Variants in DGKH observed in about 807,000 individuals in gnomAD.
DGKH encodes diacylglycerol kinase eta, also known as DAG kinase eta.
Under a neutral mutation model 159.3 loss-of-function variants are expected in DGKH, and 90 were observed. The ratio of observed to expected loss-of-function variants is 0.57; its 90% CI spans 0.48 to 0.67. DGKH has a LOEUF of 0.67. Among genes scored for constraint, DGKH ranks in the 30% least tolerant of loss-of-function variants. The pLI is 0.00. For missense variants in DGKH, 1,181 were observed against 1,506.1 expected (o/e 0.78, Z 3.57); for synonymous variants, 536 against 553.8 (o/e 0.97, Z 0.45).
At chr13:42,149,218 C>T (rs1433185545) in intron 3 of DGKH, among the ~76,000 whole-genome samples, 1 of 152,108 alleles carries the variant, frequency 6.6e-6, no homozygotes, top group African/African-American at 2.4e-5. Context: ...CATGAGGCAT[C>T]GCTCCTGACC....
At chr13:42,176,992 A>G (rs1194674368) in intron 12 of DGKH, among the ~76,000 whole-genome samples, 1 of 152,230 alleles carries the variant, frequency 6.6e-6, no homozygotes, top group Non-Finnish European at 1.5e-5. Flanking sequence ...ACTATTGTTT[A>G]ACAGAAATAT....
rs766703172 is a variant in DGKH at position 42,142,488 on chromosome 13, G to GT, written c.385-12802dup. ...TTGAATCTATAAATTACCTTGGGCAGTATGGCCATTTTCATGATATTGATT... is the reference window on the plus strand; with the variant it reads ...TTGAATCTATAAATTACCTTGGGCAGTTATGGCCATTTTCATGATATTGATT... On this transcript the variant is annotated intron_variant, in intron 3 of 29. Coordinates refer to ENST00000337343, the MANE Select transcript of DGKH (RefSeq NM_178009.5). Among the ~76,000 whole-genome samples, 161 of 151,526 alleles carry GT rather than the reference G, an allele frequency of 1.1e-3. No individual in the cohort carries two copies. In the Middle Eastern group the frequency reaches 0.024, roughly 22 times the overall value.
chr13:42,084,947 AATAG>A (rs1347980616), intron 1 of DGKH, among the ~76,000 whole-genome samples: 2 of 152,118 alleles, frequency 1.3e-5, no homozygotes, highest in African/African-American at 4.8e-5. Flanking sequence ...TAATCCTATA[AATAG>A]ATATGTATGC....
At chr13:42,073,819 T>C (rs1167669430) in intron 1 of DGKH, among the ~76,000 whole-genome samples, 1 of 152,204 alleles carries the variant, frequency 6.6e-6, no homozygotes, top group East Asian at 1.9e-4. Flanking sequence ...CTTGAGCAGA[T>C]ATGGAAGGCT....
At position 42,242,369 on chromosome 13, in the gene DGKH, C is replaced by T. The variant is rs1044960346; in HGVS notation, c.*13181C>T. ...TCTGAAAGATGCAGATAATATCTAT[C>T]TATTTATTACACAGTGGGCTCTGTT... On this transcript the variant is annotated 3_prime_UTR_variant, in exon 30 of 30. Coordinates refer to ENST00000337343, the MANE Select transcript of DGKH (RefSeq NM_178009.5). 6.6e-6 allele frequency: 1 copy of T among 152,186 alleles called. No homozygotes were observed. 9.4% of individuals were successfully genotyped at this position (152,186 alleles called of 1,614,324 possible).
rs572467021 is a variant in DGKH at position 42,104,331 on chromosome 13, G to C, written c.193-23132G>C. Among the ~76,000 whole-genome samples, 2 of 152,290 alleles carry C rather than the reference G, an allele frequency of 1.3e-5. 1 individual carries two copies. The highest frequency in any genetic ancestry group is 4.8e-5 in the African/African-American group (2 of 41,570). ...ACTGGGTCACCACTTCCAGGTTCCA[G>C]CTAGAAAGTGGAAAAGGAGAACATG... On this transcript the variant is annotated intron_variant, in intron 1 of 29. Transcript: ENST00000337343.
At chr13:42,211,295 T>G in intron 24 of DGKH, among the ~76,000 whole-genome samples, 2 of 152,096 alleles carry the variant, frequency 1.3e-5, no homozygotes, top group South Asian at 2.1e-4. Flanking sequence ...TTCAATAGGG[T>G]GTGTGAAGAT....
At chr13:42,209,250 T>C in intron 22 of DGKH, 81 bp from the exon 23 acceptor site, 1 of 1,492,220 alleles carries the variant, frequency 6.7e-7, no homozygotes, top group Non-Finnish European at 9.1e-7. Flanking sequence ...TGTAGAATAG[T>C]CTAATACTCA....
chr13:42,160,761 G>A (rs748942433), intron 7 of DGKH, among the ~76,000 whole-genome samples: 6 of 152,166 alleles, frequency 3.9e-5, no homozygotes, highest in East Asian at 3.8e-4. Context: ...CTTGCACTGG[G>A]GCTGACTTAT....
intron 1 of DGKH, among the ~76,000 whole-genome samples, chr13:42,075,372 T>C (rs140606180): frequency 2.0e-4 from 30 of 152,336 alleles, no homozygotes; most frequent in African/African-American, 7.0e-4. Context: ...AAAATATTTA[T>C]TTCATCATGA....
At chr13:42,177,124 A>G (rs1182799092) in intron 12 of DGKH, among the ~76,000 whole-genome samples, 1 of 152,204 alleles carries the variant, frequency 6.6e-6, no homozygotes, top group African/African-American at 2.4e-5. Flanking sequence ...CAAACTAAAC[A>G]AATCTATGCC....
At chr13:42,140,919 T>C (rs1320864274) in intron 3 of DGKH, 1 of 151,200 alleles carries the variant, frequency 6.6e-6, no homozygotes, top group Non-Finnish European at 1.5e-5. Flanking sequence ...TTTTATTTAT[T>C]TTTTATTTTT....
chr13:42,054,170 G>T (rs1239523666), intron 1 of DGKH, among the ~76,000 whole-genome samples: 6 of 152,186 alleles, frequency 3.9e-5, no homozygotes, highest in Admixed American at 2.0e-4. Context: ...TGAAATTGTA[G>T]GTGGCAGCCC....
intron 1 of DGKH, chr13:42,066,183 AC>A (rs1566083357): frequency 6.6e-6 from 1 of 152,338 alleles, no homozygotes; most frequent in African/African-American, 2.4e-5. Context: ...GGTGTGAGCC[AC>A]CGCGCCCAGC....
intron 1 of DGKH, chr13:42,069,856 G>C: frequency 1.2e-6 from 1 of 806,204 alleles, no homozygotes; most frequent in Non-Finnish European, 2.0e-6. Context: ...ATGGAAAGCA[G>C]GATCCCCCAG....
intron 28 of DGKH, among the ~76,000 whole-genome samples, chr13:42,220,741 G>C (rs1289097297): frequency 1.3e-5 from 2 of 152,178 alleles, no homozygotes; most frequent in Non-Finnish European, 2.9e-5. Flanking sequence ...TGATTTAATA[G>C]CACATTGATT....
intron 7 of DGKH, among the ~76,000 whole-genome samples, chr13:42,164,587 A>T (rs1041146657): frequency 6.6e-6 from 1 of 152,234 alleles, no homozygotes; most frequent in African/African-American, 2.4e-5. Flanking sequence ...ACTGGTTAAA[A>T]CATTTAGAAG....
At chr13:42,165,901 G>A (rs1280659115) in intron 8 of DGKH, among the ~76,000 whole-genome samples, 1 of 152,000 alleles carries the variant, frequency 6.6e-6, no homozygotes, top group Non-Finnish European at 1.5e-5. Flanking sequence ...TACAACACCG[G>A]TTTTGGGATT....
chr13:42,171,931 G>A (rs1465216506), intron 11 of DGKH, among the ~76,000 whole-genome samples: 1 of 148,202 alleles, frequency 6.7e-6, no homozygotes, highest in Non-Finnish European at 1.5e-5. Context: ...CCAGGTTCAC[G>A]CCATTCTCCT....
Sources: allele counts gnomAD v4.1 joint callset (sites outside exome capture counted in the v4.1 genomes callset), GRCh38; gene constraint gnomAD v4.1.1; transcripts MANE v1.5; gene names NCBI Gene and HGNC (gene_info 2026-07-23, HGNC 2026-07-21).